Variants in CDH18 observed in about 807,000 individuals in gnomAD.
The protein encoded by CDH18 is cadherin-18.
A neutral mutation model predicts 67.9 loss-of-function variants in CDH18; 31 were observed. That is an observed-to-expected ratio of 0.46 (90% CI 0.34 to 0.62). The LOEUF is 0.62. Ranked by LOEUF, CDH18 falls within the 20% of genes least tolerant of loss-of-function variation. The pLI, the probability that CDH18 is intolerant of heterozygous loss-of-function variation, is 0.01. For synonymous variants in CDH18, 362 were observed against 347.2 expected, an observed-to-expected ratio of 1.04 and a Z score of -0.48; for missense variants, 890 against 975.5, an observed-to-expected ratio of 0.91 and a Z score of 1.17.
chr5:20,371,954 A>T (rs1411483499), intron 1 of CDH18, among the ~76,000 whole-genome samples: 1 of 152,234 alleles, frequency 6.6e-6, no homozygotes, highest in Non-Finnish European at 1.5e-5. Flanking sequence ...ATCTTCCTTA[A>T]GCCTTGCCAT....
intron 10 of CDH18, among the ~76,000 whole-genome samples, chr5:19,505,130 AAG>A (rs1186014088): frequency 6.6e-6 from 1 of 152,000 alleles, no homozygotes; most frequent in Admixed American, 6.6e-5. Context: ...GTGTTTTTTT[AAG>A]AGAGAAACTC....
intron 8 of CDH18, among the ~76,000 whole-genome samples, chr5:19,570,725 A>T (rs971066087): frequency 1.3e-4 from 19 of 151,872 alleles, no homozygotes; most frequent in Admixed American, 1.2e-3. Context: ...ACACAAAAAA[A>T]CTCCTTTGAT....
chr5:20,465,650 A>T lies in CDH18; in HGVS notation c.-580+109812T>A, dbSNP rs562597818. Among the ~76,000 whole-genome samples, 216 of 152,100 alleles carry T rather than the reference A, an allele frequency of 1.4e-3. 1 individual carries two copies. Among genetic ancestry groups the T allele is most frequent in the Middle Eastern group, 3.4e-3 (1 of 294 alleles). On this transcript the variant is annotated intron_variant, in intron 1 of 14. Transcript: ENST00000507958. The stretch of plus-strand genomic sequence containing the variant: ...ACAACTAAATGAAATATTATTAAGG[A>T]TTTATTGTTGTGCTGACCGACATAT...
At chr5:19,929,251 G>C (rs536715059) in intron 2 of CDH18, among the ~76,000 whole-genome samples, 10 of 151,918 alleles carry the variant, frequency 6.6e-5, no homozygotes, top group Non-Finnish European at 1.2e-4. Context: ...CAAAAGACAG[G>C]CCTTTTAATC....
At chr5:19,959,208 T>G (rs902247458) in intron 2 of CDH18, among the ~76,000 whole-genome samples, 1 of 152,206 alleles carries the variant, frequency 6.6e-6, no homozygotes, top group African/African-American at 2.4e-5. Context: ...GTAAATATTT[T>G]ACTGGGCTTA....
Position 20,317,796 on chromosome 5 carries a change from C to T in CDH18, c.-579-62291G>A, listed in dbSNP as rs1484137600. On this transcript the variant is annotated intron_variant, in intron 1 of 14. Transcript: ENST00000507958. ...TTGCAGTTGATAAGCGTTATAGTTA[C>T]TCACAAACGTAAACCTCCTCCCAGA... 2.0e-5 allele frequency among the ~76,000 whole-genome samples: 3 copies of T among 152,126 alleles called. No individual in the cohort carries two copies. The East Asian group carries it at 5.8e-4, about 29-fold the overall frequency.
intron 8 of CDH18, among the ~76,000 whole-genome samples, chr5:19,553,755 C>T (rs1003084044): frequency 4.0e-5 from 6 of 151,012 alleles, no homozygotes; most frequent in African/African-American, 1.2e-4. Flanking sequence ...ATCCTCCCAA[C>T]TCAGCCTCTG....
At chr5:20,346,559 G>A (rs573735397) in intron 1 of CDH18, among the ~76,000 whole-genome samples, 21 of 152,242 alleles carry the variant, frequency 1.4e-4, no homozygotes, top group Non-Finnish European at 2.5e-4. Flanking sequence ...ACTGTGGTTC[G>A]TCTGTGAAGA....
At chr5:19,666,697 G>T (rs1253335098) in intron 5 of CDH18, among the ~76,000 whole-genome samples, 1 of 152,026 alleles carries the variant, frequency 6.6e-6, no homozygotes, top group African/African-American at 2.4e-5. Flanking sequence ...AAAGACAACT[G>T]ATTTTTGGCA....
intron 1 of CDH18, among the ~76,000 whole-genome samples, chr5:20,425,064 A>G (rs750227375): frequency 3.3e-5 from 5 of 150,900 alleles, no homozygotes; most frequent in Non-Finnish European, 7.4e-5. Flanking sequence ...TTAGTCTTAG[A>G]GTTAAAAAAA....
At chr5:19,904,391 G>A (rs1790310232) in intron 2 of CDH18, among the ~76,000 whole-genome samples, 1 of 146,224 alleles carries the variant, frequency 6.8e-6, no homozygotes, top group African/African-American at 2.5e-5. Flanking sequence ...GGGGAGGGGA[G>A]GGAAGAGAAG....
At chr5:19,509,854 T>G (rs888205336) in intron 10 of CDH18, among the ~76,000 whole-genome samples, 2 of 152,176 alleles carry the variant, frequency 1.3e-5, no homozygotes, top group African/African-American at 4.8e-5. Flanking sequence ...ATGCATGCCT[T>G]TCTTTTTAAT....
At chr5:19,851,490 A>G (rs1390067442) in intron 2 of CDH18, among the ~76,000 whole-genome samples, 1 of 151,080 alleles carries the variant, frequency 6.6e-6, no homozygotes, top group East Asian at 1.9e-4. Flanking sequence ...ATGAATATGC[A>G]TATATAGTCC....
At chr5:19,960,113 T>G (rs1796645581) in intron 2 of CDH18, among the ~76,000 whole-genome samples, 1 of 152,066 alleles carries the variant, frequency 6.6e-6, no homozygotes, top group Admixed American at 6.5e-5. Flanking sequence ...CACTGTATAC[T>G]TAGGTAACAC....
At chr5:20,056,473 C>CT (rs1561754004) in intron 2 of CDH18, among the ~76,000 whole-genome samples, 9 of 13,530 alleles carry the variant, frequency 6.7e-4, no homozygotes, top group Non-Finnish European at 9.8e-4. Context: ...TATTTTCTTT[C>CT]TTTTGTTTTT....
At chr5:19,553,760 C>T (rs1737885190) in intron 8 of CDH18, among the ~76,000 whole-genome samples, 1 of 151,572 alleles carries the variant, frequency 6.6e-6, no homozygotes, top group African/African-American at 2.4e-5. Context: ...CCCAACTCAG[C>T]CTCTGAAGAA....
chr5:19,838,674 C>A (rs1781937110), intron 3 of CDH18, 85 bp downstream of exon 3: 2 of 864,936 alleles, frequency 2.3e-6, no homozygotes, highest in African/African-American at 1.7e-5. Flanking sequence ...ATTTGTCTAT[C>A]TCTTCAAATA....
intron 3 of CDH18, among the ~76,000 whole-genome samples, chr5:19,775,749 C>A (rs755609235): frequency 6.6e-6 from 1 of 152,064 alleles, no homozygotes; most frequent in African/African-American, 2.4e-5. Flanking sequence ...AGATGTACAT[C>A]AGCAATATAA....
chr5:19,856,666 T>C (rs1433931237), intron 2 of CDH18, among the ~76,000 whole-genome samples: 1 of 150,516 alleles, frequency 6.6e-6, no homozygotes, highest in Non-Finnish European at 1.5e-5. Context: ...ATGAGTGTTA[T>C]AAAAAGAAGG....
Sources: gnomAD v4.1 joint callset for allele counts (sites outside exome capture counted in the v4.1 genomes callset) on GRCh38, gnomAD v4.1.1 for gene constraint, MANE v1.5 for transcripts, NCBI Gene and HGNC (gene_info 2026-07-23, HGNC 2026-07-21) for gene names.